Variants in GRM1 observed in about 807,000 individuals in gnomAD.
GRM1 encodes glutamate metabotropic receptor 1.
Under a neutral mutation model 90.9 loss-of-function variants are expected in GRM1, and 33 were observed. The observed-to-expected ratio is 0.36, with a 90% CI of 0.28 to 0.49. The LOEUF (loss-of-function observed/expected upper bound fraction) is 0.49. GRM1 is among the 20% of genes least tolerant of loss of function. The probability of loss-of-function intolerance (pLI) is 0.99; values close to 1 mark genes in which losing one functional copy is unlikely to be tolerated. For missense variants in GRM1, 1,190 were observed against 1,534.3 expected, an observed-to-expected ratio of 0.78 and a Z score of 3.75; for synonymous variants, 700 against 613.2, an observed-to-expected ratio of 1.14 and a Z score of -2.09.
At chr6:146,058,010 T>A (rs986567746) in intron 1 of GRM1, among the ~76,000 whole-genome samples, 2 of 152,056 alleles carry the variant, frequency 1.3e-5, no homozygotes, top group Non-Finnish European at 2.9e-5. Context: ...GTTTTTTGGA[T>A]TTACTTTTTT....
intron 2 of GRM1, among the ~76,000 whole-genome samples, chr6:146,294,574 G>T (rs751307819): frequency 1.3e-5 from 2 of 152,062 alleles, no homozygotes; most frequent in Non-Finnish European, 2.9e-5. Flanking sequence ...ATTAGACCAA[G>T]CATCAAGCAT....
Position 146,159,616 on chromosome 6 carries a change from CT to C in GRM1, c.950+20del. The stretch of plus-strand genomic sequence containing the variant: ...TTGGAAGGTAAGTTTCTCTCTCTCT[CT>C]CTCTCTCTCTCTCTCTCTCTCTCTC... On this transcript the variant is annotated intron_variant, in intron 2 of 7. Transcript: ENST00000282753. 6.7e-6 allele frequency: 8 copies of C among 1,197,484 alleles called. No individual in the cohort carries two copies. The highest frequency in any genetic ancestry group is 9.1e-6 in the Non-Finnish European group (8 of 875,190). The allele number at this position is 1,197,484 out of a possible 1,614,324, so 74.2% of individuals were successfully genotyped here. A position where few individuals can be genotyped will look rare whatever the true frequency, so the allele number is the denominator to read the frequency against.
intron 1 of GRM1, among the ~76,000 whole-genome samples, chr6:146,134,576 C>A (rs1776536238): frequency 6.6e-6 from 1 of 152,076 alleles, no homozygotes; most frequent in Non-Finnish European, 1.5e-5. Flanking sequence ...TAGTGCAGAG[C>A]AAAGGGGAGA....
intron 1 of GRM1, among the ~76,000 whole-genome samples, chr6:146,055,981 C>A (rs1323551346): frequency 6.6e-6 from 1 of 151,898 alleles, no homozygotes; most frequent in Non-Finnish European, 1.5e-5. Context: ...TGAGAAGAAC[C>A]CTCCAACTGA....
intron 1 of GRM1, among the ~76,000 whole-genome samples, chr6:146,119,431 A>G (rs2128876668): frequency 6.6e-6 from 1 of 152,264 alleles, no homozygotes; most frequent in Non-Finnish European, 1.5e-5. Context: ...GCTGCACAGA[A>G]GCTCTTATTT....
chr6:146,292,908 A>G (rs1366969231), intron 2 of GRM1, among the ~76,000 whole-genome samples: 1 of 152,066 alleles, frequency 6.6e-6, no homozygotes, highest in Non-Finnish European at 1.5e-5. Flanking sequence ...ATCGTAGTAT[A>G]CTGATACGAT....
intron 1 of GRM1, among the ~76,000 whole-genome samples, chr6:146,157,149 T>C (rs1028700415): frequency 6.6e-6 from 1 of 152,134 alleles, no homozygotes; most frequent in Non-Finnish European, 1.5e-5. Context: ...TTCTCAGGAT[T>C]GAGTCCTGGT....
intron 1 of GRM1, among the ~76,000 whole-genome samples, chr6:146,146,444 A>C (rs1026121469): frequency 1.3e-5 from 2 of 152,068 alleles, no homozygotes; most frequent in Admixed American, 6.6e-5. Flanking sequence ...CCCAGATGAA[A>C]TTCTAGACTT....
chr6:146,183,360 T>C (rs1238239769), intron 2 of GRM1, among the ~76,000 whole-genome samples: 1 of 152,206 alleles, frequency 6.6e-6, no homozygotes, highest in Admixed American at 6.5e-5. Flanking sequence ...GGAACTCTTA[T>C]ATGTTAAATA....
chr6:146,379,678 T>C (rs989947365), intron 5 of GRM1, among the ~76,000 whole-genome samples: 3 of 152,162 alleles, frequency 2.0e-5, no homozygotes, highest in African/African-American at 7.2e-5. Context: ...AGGTATTTAA[T>C]GTAGCCTTTA....
In GRM1 at chr6:146,045,749, CAAAAAAAAA is replaced by C. The variant is rs58055832; in HGVS notation, c.700+15552_700+15560del. ...TCTTTCTCACCAAAGTGGAATACAG[CAAAAAAAAA>C]AAAAAAAAAAAAAAAAAAATCAAAT... On this transcript the variant is annotated intron_variant, in intron 1 of 7. Transcript: ENST00000282753. Among the ~76,000 whole-genome samples, 806 of 87,448 alleles carry C rather than the reference CAAAAAAAAA, an allele frequency of 9.2e-3. 15 individuals are homozygous for C. The East Asian group carries it at 0.12, about 13-fold the overall frequency. The allele number at this position is 87,448 out of a possible 152,430, so 57.4% of individuals were successfully genotyped here. A position where few individuals can be genotyped will look rare whatever the true frequency, so the allele number is the denominator to read the frequency against.
intron 2 of GRM1, among the ~76,000 whole-genome samples, chr6:146,283,862 C>G (rs925807694): frequency 1.3e-5 from 2 of 152,184 alleles, no homozygotes; most frequent in African/African-American, 4.8e-5. Flanking sequence ...TAAAGTATCT[C>G]TGGCCTACTA....
intron 1 of GRM1, among the ~76,000 whole-genome samples, chr6:146,126,281 A>G (rs1776196220): frequency 1.3e-5 from 2 of 152,144 alleles, no homozygotes; most frequent in Non-Finnish European, 2.9e-5. Context: ...TGATGACATA[A>G]TATTTCTAAA....
intron 5 of GRM1, among the ~76,000 whole-genome samples, chr6:146,369,412 GTTGT>G (rs1775816457): frequency 6.6e-6 from 1 of 151,742 alleles, no homozygotes; most frequent in Non-Finnish European, 1.5e-5. Context: ...GCATTATGAG[GTTGT>G]TTATTTGAAG....
chr6:146,202,430 G>C (rs1341573588), intron 2 of GRM1, among the ~76,000 whole-genome samples: 1 of 152,136 alleles, frequency 6.6e-6, no homozygotes, highest in African/African-American at 2.4e-5. Flanking sequence ...GGGTTGCTCT[G>C]AAGATCACAT....
chr6:146,113,961 G>A (rs1775652357), intron 1 of GRM1, among the ~76,000 whole-genome samples: 1 of 152,016 alleles, frequency 6.6e-6, no homozygotes, highest in African/African-American at 2.4e-5. Flanking sequence ...CCTAAACCTT[G>A]AACTGAGCCA....
chr6:146,327,152 A>G (rs577509772), intron 3 of GRM1, among the ~76,000 whole-genome samples: 31 of 152,282 alleles, frequency 2.0e-4, no homozygotes, highest in African/African-American at 7.5e-4. Context: ...TTTTTATCTA[A>G]TGCCTTTTTT....
chr6:146,248,325 G>T (rs1206877332), intron 2 of GRM1, among the ~76,000 whole-genome samples: 1 of 152,180 alleles, frequency 6.6e-6, no homozygotes, highest in Non-Finnish European at 1.5e-5. Flanking sequence ...GTTTGGCTCT[G>T]TGTCCCACCC....
At chr6:146,229,918 C>A (rs1488806871) in intron 2 of GRM1, among the ~76,000 whole-genome samples, 2 of 152,046 alleles carry the variant, frequency 1.3e-5, no homozygotes, top group African/African-American at 4.8e-5. Flanking sequence ...GGATTTGAAC[C>A]CAGGCTGACT....
Sources: gnomAD v4.1 joint callset for allele counts (sites outside exome capture counted in the v4.1 genomes callset) on GRCh38, gnomAD v4.1.1 for gene constraint, MANE v1.5 for transcripts, NCBI Gene and HGNC (gene_info 2026-07-23, HGNC 2026-07-21) for gene names.